The following WNK3 variants were observed in gnomAD, a reference collection of about 807,000 sequenced individuals.
The protein encoded by WNK3 is serine/threonine-protein kinase WNK3.
In WNK3, 18 loss-of-function variants were observed where a neutral mutation model predicts 116.7. That is an observed-to-expected ratio of 0.15 (90% CI 0.11 to 0.23). WNK3 has a LOEUF of 0.23. WNK3 is among the 10% of genes least tolerant of loss of function. The pLI is 1.00. For synonymous variants in WNK3, 404 were observed against 469.4 expected, an observed-to-expected ratio of 0.86 and a Z score of 1.80; for missense variants, 993 against 1,323.8, an observed-to-expected ratio of 0.75 and a Z score of 3.88.
chrX:54,193,514 T>G (rs1470375897), exon 24 of WNK3: 1 of 111,530 alleles, frequency 9.0e-6, no homozygotes, highest in Non-Finnish European at 1.9e-5. Context: ...TTGTTTGAAT[T>G]TTTTTTAATA....
chrX:54,349,587 C>T (rs781840888), intron 1 of WNK3, among the ~76,000 whole-genome samples: 9 of 111,682 alleles, frequency 8.1e-5, no homozygotes, highest in Non-Finnish European at 1.3e-4. Flanking sequence ...ATCAAAATCC[C>T]AAAGAGATGT....
At chrX:54,351,225 A>G (rs890414161) in intron 1 of WNK3, among the ~76,000 whole-genome samples, 8 of 111,397 alleles carry the variant, frequency 7.2e-5, no homozygotes, top group Non-Finnish European at 1.3e-4. Flanking sequence ...CATAAAATAT[A>G]TATCACATAC....
intron 10 of WNK3, among the ~76,000 whole-genome samples, chrX:54,262,283 T>C (rs1468746919): frequency 8.9e-6 from 1 of 111,748 alleles, no homozygotes; most frequent in Non-Finnish European, 1.9e-5. Context: ...GGGCACATGA[T>C]AGGACAATAA....
At chrX:54,196,472 A>G in exon 24 of WNK3, 1 of 108,848 alleles carries the variant, frequency 9.2e-6, no homozygotes. Flanking sequence ...AAAAAAAAAA[A>G]GTACACCCAT....
intron 2 of WNK3, among the ~76,000 whole-genome samples, chrX:54,316,849 A>G (rs1038416251): frequency 8.9e-6 from 1 of 111,765 alleles, no homozygotes; most frequent in Non-Finnish European, 1.9e-5. Context: ...TGGGGAATGT[A>G]AAATGGTATA....
In WNK3 at chrX:54,256,265, T is replaced by A. The variant is rs781842606; in HGVS notation, c.2103-378A>T. 5.4e-5 allele frequency among the ~76,000 whole-genome samples: 6 copies of A among 111,632 alleles called. No homozygotes were observed. The South Asian group carries it at 2.2e-3, about 42-fold the overall frequency. On this transcript the variant is annotated intron_variant, in intron 11 of 23. Coordinates refer to ENST00000354646, the Ensembl canonical transcript of WNK3. ...CTCTTGATCAGTTTTATCTTGTTTG[T>A]TTGGTTACTTTATTAATATCTTCAA...
intron 10 of WNK3, among the ~76,000 whole-genome samples, chrX:54,281,023 T>C (rs146634088): frequency 0.03 from 3,349 of 112,021 alleles, 55 homozygotes; most frequent in Middle Eastern, 0.074. Flanking sequence ...CCAGCTTTAC[T>C]GAGGTATAAT....
chrX:54,264,665 A>G (rs782314284), intron 10 of WNK3, among the ~76,000 whole-genome samples: 1 of 111,068 alleles, frequency 9.0e-6, no homozygotes, highest in Admixed American at 9.7e-5. Flanking sequence ...AGTTCCATTA[A>G]CTGTAAGGCA....
chrX:54,209,545 C>CTTT (rs781825501), intron 22 of WNK3, among the ~76,000 whole-genome samples: 7 of 78,452 alleles, frequency 8.9e-5, no homozygotes, highest in Admixed American at 1.6e-4. Context: ...TTAAGCAGTG[C>CTTT]TTTTTTTTTT....
At chrX:54,277,331 ATTTTCTTT>A (rs782151686) in intron 10 of WNK3, among the ~76,000 whole-genome samples, 2 of 108,914 alleles carry the variant, frequency 1.8e-5, no homozygotes, top group Non-Finnish European at 3.8e-5. Flanking sequence ...AGATTATATG[ATTTTCTTT>A]TTTTCTTTTT....
At chrX:54,269,226 T>C (rs973696099) in intron 10 of WNK3, among the ~76,000 whole-genome samples, 14 of 111,433 alleles carry the variant, frequency 1.3e-4, no homozygotes, top group African/African-American at 3.9e-4. Flanking sequence ...GGTTGAAGAA[T>C]CGCTCAAAAT....
At chrX:54,342,992 G>A (rs1220257184) in intron 1 of WNK3, among the ~76,000 whole-genome samples, 5 of 110,870 alleles carry the variant, frequency 4.5e-5, no homozygotes, top group African/African-American at 9.8e-5. Flanking sequence ...GGGACTACAG[G>A]CGTGAGCCTC....
At chrX:54,194,340 G>T (rs184927938) in exon 24 of WNK3, 2 of 112,204 alleles carry the variant, frequency 1.8e-5, no homozygotes, top group African/African-American at 3.2e-5. Context: ...CTAGCACTGT[G>T]CTAATATATG....
At chrX:54,215,834 C>A (rs893404869) in intron 22 of WNK3, among the ~76,000 whole-genome samples, 5 of 111,274 alleles carry the variant, frequency 4.5e-5, no homozygotes, top group Admixed American at 9.6e-5. Context: ...GTTTTGTCGA[C>A]TAGAAAAGGG....
intron 17 of WNK3, among the ~76,000 whole-genome samples, chrX:54,246,019 TTCTC>T (rs1398144337): frequency 1.8e-5 from 2 of 112,376 alleles, no homozygotes; most frequent in South Asian, 3.6e-4. Flanking sequence ...AATTTTGCCT[TTCTC>T]TCATTACTAA....
At chrX:54,345,874 G>A (rs1367035220) in intron 1 of WNK3, among the ~76,000 whole-genome samples, 1 of 109,350 alleles carries the variant, frequency 9.1e-6, no homozygotes, top group Non-Finnish European at 1.9e-5. Flanking sequence ...TCTATCTTGA[G>A]GTTCAAAGAA....
chrX:54,294,510 T>C, intron 8 of WNK3, 43 bp downstream of exon 8: 1 of 1,011,828 alleles, frequency 9.9e-7, no homozygotes. Context: ...TTAGAGAATA[T>C]AATTGCACAT....
exon 11 of WNK3, chrX:54,259,333 T>C (rs781958794): frequency 4.2e-6 from 5 of 1,189,022 alleles, no homozygotes; most frequent in Middle Eastern, 2.3e-4. Context: ...CTGGTTGGGA[T>C]ACAGGCTGTA....
At chrX:54,340,477 G>A (rs1421694397) in intron 1 of WNK3, among the ~76,000 whole-genome samples, 3 of 110,608 alleles carry the variant, frequency 2.7e-5, no homozygotes, top group Non-Finnish European at 3.8e-5. Flanking sequence ...GGGCAGTAGT[G>A]GCGCACGCCT....
Sources: allele counts gnomAD v4.1 joint callset (sites outside exome capture counted in the v4.1 genomes callset), GRCh38; gene constraint gnomAD v4.1.1; transcripts MANE v1.5; gene names NCBI Gene and HGNC (gene_info 2026-07-23, HGNC 2026-07-21).